Variants in CD276 observed in about 807,000 individuals in gnomAD.
CD276 encodes the protein CD276 molecule.
Under a neutral mutation model 50.0 loss-of-function variants are expected in CD276, and 34 were observed. That is an observed-to-expected ratio of 0.68 (90% CI 0.52 to 0.91). CD276 has a LOEUF of 0.91. Ranked by LOEUF, CD276 falls within the 40% of genes least tolerant of loss-of-function variation. The pLI, the probability that CD276 is intolerant of heterozygous loss-of-function variation, is 0.00. For synonymous variants in CD276, 275 were observed against 313.0 expected (o/e 0.88, Z 1.28); for missense variants, 634 against 717.5 (o/e 0.88, Z 1.33).
At position 73,714,178 on chromosome 15, in the gene CD276, TGGGCAGGC is replaced by T. The variant is rs1446874020; in HGVS notation, c.*1223_*1230del. 7 of 255,390 alleles carry T rather than the reference TGGGCAGGC, an allele frequency of 2.7e-5. No individual in the cohort carries two copies. The highest frequency in any genetic ancestry group is 1.7e-4 in the African/African-American group (7 of 42,008). 15.8% of individuals were successfully genotyped at this position (255,390 alleles called of 1,614,324 possible). The stretch of plus-strand genomic sequence containing the variant: ...AAATGTCTGTCCAGGTGTGGGCAGG[TGGGCAGGC>T]ACCAAGGCCCTCTGGACCTTTCATA... On this transcript the variant is annotated 3_prime_UTR_variant, in exon 10 of 10. Coordinates refer to ENST00000318443, the MANE Select transcript of CD276 (RefSeq NM_001024736.2).
rs552720614 is a variant in CD276, at chr15:73,712,834, C to T, written c.1583-100C>T. On this transcript the variant is annotated intron_variant, in intron 9 of 9. Transcript: ENST00000318443. Reference sequence around the variant, plus strand: ...CTCACACACACTCCCCACTTGAAGTCTGACCAGGTGCTTGGGCTTCTGGCA... The same window carrying T: ...CTCACACACACTCCCCACTTGAAGTTTGACCAGGTGCTTGGGCTTCTGGCA... 4 of 1,246,234 alleles carry T rather than the reference C, an allele frequency of 3.2e-6. No homozygotes were observed. In the African/African-American group the frequency reaches 5.9e-5, roughly 18 times the overall value. The allele number at this position is 1,246,234 out of a possible 1,614,324, so 77.2% of individuals were successfully genotyped here.
rs749213681 is a variant in CD276 at position 73,704,692 on chromosome 15, T to TA, written c.1369+221dup. ...TCCTAAGAGTGCTTTTCGTGGCACT[T>TA]ATGCTTCTTATGCAGAGGACAAGGT... On this transcript the variant is annotated intron_variant, in intron 6 of 9. Coordinates refer to ENST00000318443, the MANE Select transcript of CD276 (RefSeq NM_001024736.2). This position sits in a 1 kb window ranked among gnomAD's most constrained non-coding sequence, Gnocchi z 4.1. Among the ~76,000 whole-genome samples the TA allele has an allele frequency of 2.6e-5, 4 of 152,192 alleles. No homozygotes were observed. Among genetic ancestry groups the TA allele is most frequent in the Non-Finnish European group, 4.4e-5 (3 of 68,042 alleles).
At chr15:73,709,099 G>A (rs1567023572) in intron 7 of CD276, among the ~76,000 whole-genome samples, 1 of 152,166 alleles carries the variant, frequency 6.6e-6, no homozygotes, top group African/African-American at 2.4e-5. Flanking sequence ...TTGGCAGATA[G>A]GTGAGTACTT....
chr15:73,690,732 A>G (rs927764047), intron 1 of CD276: 4 of 455,862 alleles, frequency 8.8e-6, no homozygotes, highest in Non-Finnish European at 1.8e-5. Context: ...TAAAGCACCC[A>G]TGTCATCTAG....
chr15:73,689,922 A>T (rs762472815), intron 1 of CD276, among the ~76,000 whole-genome samples: 6 of 152,238 alleles, frequency 3.9e-5, no homozygotes, highest in Non-Finnish European at 7.3e-5. Flanking sequence ...AGTGAGTGAC[A>T]GAGCCTGGTC....
At position 73,704,840 on chromosome 15, in the gene CD276, G is replaced by A. The variant is rs1900584561; in HGVS notation, c.1369+368G>A. ...CTCTGAGTGGTAGGAAGGTATTCTGGGTCAGTGGGCGCCATCTGATTCTGA... is the reference window on the plus strand; with the variant it reads ...CTCTGAGTGGTAGGAAGGTATTCTGAGTCAGTGGGCGCCATCTGATTCTGA... On this transcript the variant is annotated intron_variant, in intron 6 of 9. Coordinates refer to ENST00000318443, the MANE Select transcript of CD276 (RefSeq NM_001024736.2). This position sits in a 1 kb window ranked among gnomAD's most constrained non-coding sequence, Gnocchi z 4.1. 6.6e-6 allele frequency among the ~76,000 whole-genome samples: 1 copy of A among 152,170 alleles called. No homozygotes were observed. The highest frequency in any genetic ancestry group is 1.5e-5 in the Non-Finnish European group (1 of 68,038).
chr15:73,692,967 A>G (rs1364855070), intron 1 of CD276, among the ~76,000 whole-genome samples: 1 of 152,204 alleles, frequency 6.6e-6, no homozygotes, highest in East Asian at 1.9e-4. Context: ...TTGAAAATGC[A>G]CTTCTTTTCT....
At chr15:73,692,782 A>G (rs1900034443) in intron 1 of CD276, among the ~76,000 whole-genome samples, 1 of 152,252 alleles carries the variant, frequency 6.6e-6, no homozygotes, top group African/African-American at 2.4e-5. Context: ...GAATGAATAA[A>G]TGAACAAATG....
At chr15:73,706,377 G>A (rs1227009856) in intron 6 of CD276, among the ~76,000 whole-genome samples, 3 of 152,166 alleles carry the variant, frequency 2.0e-5, no homozygotes, top group South Asian at 2.1e-4. Flanking sequence ...CTGGCACAGC[G>A]GCTCTCAATC....
chr15:73,704,131 C>T lies in CD276; in HGVS notation c.1073-45C>T, dbSNP rs1284252275. 1.8e-5 allele frequency: 29 copies of T among 1,592,292 alleles called. No homozygotes were observed. Among genetic ancestry groups the T allele is most frequent in the Middle Eastern group, 1.7e-4 (1 of 6,010 alleles). On this transcript the variant is annotated intron_variant, in intron 5 of 9. Coordinates refer to ENST00000318443, the MANE Select transcript of CD276 (RefSeq NM_001024736.2). This position sits in a 1 kb window ranked among gnomAD's most constrained non-coding sequence, Gnocchi z 4.1. ...TCAGCCCCATGCATCCTTTTCCTCC[C>T]CTGCCATTGCCCTGCCCTTGACCCC...
intron 1 of CD276, among the ~76,000 whole-genome samples, chr15:73,688,776 C>T (rs552397972): frequency 2.6e-4 from 39 of 152,230 alleles, no homozygotes; most frequent in Non-Finnish European, 4.1e-4. Context: ...TGCTACACTC[C>T]GAGAGGGGTC....
Position 73,711,170 on chromosome 15 carries a change from G to A in CD276, c.1582G>A (p.Asp528Asn), listed in dbSNP as rs1900886130. The change falls in exon 9 of 10, where the codon GAT (aspartate) becomes AAT (asparagine). Residue 528 changes from aspartate (D) to asparagine (N), a missense_variant and splice_region_variant. Physicochemically the swap from Asp to Asn is conservative, Grantham distance 23. Transcript: ENST00000318443. Reference sequence around the variant, plus strand: ...TCTGAAACACTCTGACAGCAAAGAAGGTAAAGACACCTGGGCTTGAGGTTG... The same window carrying A: ...TCTGAAACACTCTGACAGCAAAGAAAGTAAAGACACCTGGGCTTGAGGTTG... Reference protein sequence around the residue: ...QPLKHSDSKEDDGQEIA With the variant: ...QPLKHSDSKENDGQEIA 1 of 1,613,898 alleles carries A rather than the reference G, an allele frequency of 6.2e-7. No individual in the cohort carries two copies. Among genetic ancestry groups the A allele is most frequent in the Non-Finnish European group, 8.5e-7 (1 of 1,180,010 alleles).
intron 7 of CD276, chr15:73,708,697 T>C (rs931105210): frequency 6.2e-5 from 35 of 565,860 alleles, no homozygotes; most frequent in African/African-American, 5.8e-4. Flanking sequence ...TGAATGTGGA[T>C]GAGTGTGACT....
chr15:73,705,673 C>T (rs11574485), intron 6 of CD276, among the ~76,000 whole-genome samples: 5 of 151,638 alleles, frequency 3.3e-5, no homozygotes, highest in African/African-American at 1.2e-4. Context: ...TGTTCACAGG[C>T]GAAAAGAAGA....
chr15:73,685,260 G>T (rs1899700937), intron 1 of CD276, among the ~76,000 whole-genome samples: 1 of 152,088 alleles, frequency 6.6e-6, no homozygotes, highest in Non-Finnish European at 1.5e-5. Flanking sequence ...CACTAGAAGG[G>T]AGGGGATTGA....
intron 1 of CD276, among the ~76,000 whole-genome samples, chr15:73,693,852 A>G (rs936415740): frequency 7.9e-6 from 1 of 126,904 alleles, no homozygotes; most frequent in East Asian, 2.7e-4. Flanking sequence ...CATGCAGGCC[A>G]TGGGTGCCCA....
rs1013184632 is a variant in CD276 at position 73,699,708 on chromosome 15, C to G, written c.69C>G (p.Phe23Leu). Residue 23 changes from phenylalanine to leucine, a missense_variant, in exon 2 of 10, where the codon TTC (phenylalanine) becomes TTG (leucine). Phe to Leu is a conservative substitution (Grantham distance 22). Coordinates refer to ENST00000318443, the MANE Select transcript of CD276 (RefSeq NM_001024736.2). ...HVGAALGALW[F>L]CLTGALEVQV... ...GTGCAGCCCTGGGAGCACTGTGGTT[C>G]TGCCTCACAGGTGAGGGTAGCAGCA... 6.9e-6 allele frequency: 11 copies of G among 1,605,784 alleles called. No homozygotes were observed. Among genetic ancestry groups the G allele is most frequent in the Non-Finnish European group, 6.8e-6 (8 of 1,175,738 alleles).
Position 73,704,507 on chromosome 15 carries a change from CGAGT to C in CD276, c.1369+36_1369+39del. The C allele has an allele frequency of 6.3e-7, 1 of 1,585,986 alleles. No homozygotes were observed. Among genetic ancestry groups the C allele is most frequent in the East Asian group, 2.3e-5 (1 of 43,728 alleles). ...GATGAACAGCTGGGGAAGGACGGAG[CGAGT>C]AACTCCCTCTTTACTGGACCCTAAC... On this transcript the variant is annotated intron_variant, in intron 6 of 9. Transcript: ENST00000318443. This position sits in a 1 kb window ranked among gnomAD's most constrained non-coding sequence, Gnocchi z 4.1.
intron 1 of CD276, among the ~76,000 whole-genome samples, chr15:73,693,762 T>G (rs1900068487): frequency 6.6e-6 from 1 of 152,128 alleles, no homozygotes. Context: ...TGTTGTGGGC[T>G]GTATTGGGAG....
Sources: allele counts gnomAD v4.1 joint callset (sites outside exome capture counted in the v4.1 genomes callset), GRCh38; gene constraint gnomAD v4.1.1; non-coding constraint Gnocchi (gnomAD v3.1); transcripts MANE v1.5; gene names NCBI Gene and HGNC (gene_info 2026-07-23, HGNC 2026-07-21).